Variants in UBAP2 observed in about 807,000 individuals in gnomAD.
UBAP2 encodes ubiquitin associated protein 2, also known as ubiquitin-associated protein 2.
In UBAP2, 75 loss-of-function variants were observed where a neutral mutation model predicts 139.6. The observed-to-expected ratio is 0.54, with a 90% CI of 0.45 to 0.65. The LOEUF (loss-of-function observed/expected upper bound fraction) is 0.65, where lower values mean the gene tolerates loss of function less well. Ranked by LOEUF, UBAP2 falls within the 30% of genes least tolerant of loss-of-function variation. UBAP2 has a pLI of 0.00. For synonymous variants in UBAP2, 526 were observed against 526.2 expected, an observed-to-expected ratio of 1.00 and a Z score of 0.01; for missense variants, 1,368 against 1,369.6, an observed-to-expected ratio of 1.00 and a Z score of 0.02.
intron 6 of UBAP2, among the ~76,000 whole-genome samples, chr9:33,980,431 CAG>C (rs995205976): frequency 6.0e-5 from 9 of 149,412 alleles, no homozygotes; most frequent in Admixed American, 5.3e-4. Flanking sequence ...TTAGTAGAGA[CAG>C]GGTTTCACCG....
At chr9:34,041,024 G>A (rs1254808685) in intron 1 of UBAP2, among the ~76,000 whole-genome samples, 1 of 152,054 alleles carries the variant, frequency 6.6e-6, no homozygotes, top group Non-Finnish European at 1.5e-5. Flanking sequence ...TGTTTGTTGT[G>A]GGCAGGGTGG....
intron 4 of UBAP2, chr9:33,994,697 T>C (rs1445457415): frequency 1.3e-5 from 2 of 152,192 alleles, no homozygotes; most frequent in Non-Finnish European, 2.9e-5. Flanking sequence ...ATTTGATGGT[T>C]TGTCTTGTGT....
intron 8 of UBAP2, among the ~76,000 whole-genome samples, chr9:33,966,624 T>C (rs1273905388): frequency 1.3e-5 from 2 of 152,208 alleles, no homozygotes; most frequent in Non-Finnish European, 2.9e-5. Context: ...GGGTCTTCTT[T>C]GATCTTTCCC....
At chr9:34,023,635 A>G (rs1464479361) in intron 1 of UBAP2, among the ~76,000 whole-genome samples, 1 of 152,228 alleles carries the variant, frequency 6.6e-6, no homozygotes, top group Non-Finnish European at 1.5e-5. Context: ...TGCTTTGTGA[A>G]ACATAAAAAC....
intron 1 of UBAP2, among the ~76,000 whole-genome samples, chr9:34,043,611 A>T (rs573610022): frequency 6.6e-6 from 1 of 152,330 alleles, no homozygotes; most frequent in African/African-American, 2.4e-5. Flanking sequence ...CTCCCACCTC[A>T]GCCTCACAAG....
At chr9:34,046,823 C>T (rs181514440) in intron 1 of UBAP2, among the ~76,000 whole-genome samples, 32 of 152,262 alleles carry the variant, frequency 2.1e-4, no homozygotes, top group African/African-American at 7.7e-4. Flanking sequence ...TGTTCTCACA[C>T]CATCACACCA....
At chr9:33,932,677 A>G (rs777851724) in intron 18 of UBAP2, 49 bp from the exon 19 acceptor site, 9 of 1,605,130 alleles carry the variant, frequency 5.6e-6, no homozygotes, top group Non-Finnish European at 7.7e-6. Context: ...AAGTGACTCC[A>G]GATGAACAAG....
intron 1 of UBAP2, among the ~76,000 whole-genome samples, chr9:34,030,862 G>A (rs1351875292): frequency 3.3e-5 from 5 of 151,558 alleles, no homozygotes; most frequent in Admixed American, 6.6e-5. Context: ...CCCAGGAGGC[G>A]GAGCTTGCAG....
Position 33,980,220 on chromosome 9 carries a change from C to CTTTTTTTTTTTTTTTTT in UBAP2, c.520+6523_520+6539dup, listed in dbSNP as rs1173781682. Among the ~76,000 whole-genome samples, 73 of 49,136 alleles carry CTTTTTTTTTTTTTTTTT rather than the reference C, an allele frequency of 1.5e-3. 25 individuals are homozygous for CTTTTTTTTTTTTTTTTT. The highest frequency in any genetic ancestry group is 1.9e-3 in the Non-Finnish European group (52 of 27,466). The allele number at this position is 49,136 out of a possible 152,430, so 32.2% of individuals were successfully genotyped here. Reference sequence around the variant, plus strand: ...TTAATCCAAATCCTGAGTGTCATTTCTTTTTTTTTTTTTTTTTTTTTTTTT... The same window carrying CTTTTTTTTTTTTTTTTT: ...TTAATCCAAATCCTGAGTGTCATTTCTTTTTTTTTTTTTTTTTTTTTTTTTTTTTTTTTTTTTTTTTT... On this transcript the variant is annotated intron_variant, in intron 6 of 28. Transcript: ENST00000379238.
At position 33,924,231 on chromosome 9, in the gene UBAP2, C is replaced by T. The variant is rs775101887; in HGVS notation, c.2565G>A (p.Gly855=). The T allele has an allele frequency of 1.9e-6, 3 of 1,614,052 alleles. No individual in the cohort carries two copies. The highest frequency in any genetic ancestry group is 1.3e-5 in the African/African-American group (1 of 74,922). ...CTGGATATGGATTATTAGCTAGGCT[C>T]CCATCTCGGCTGGCAAGCGCTGTGG... The part of the protein sequence containing the change: ...AAPTALASRD[G]SLANNPYPGD... Residue 855 remains glycine, a synonymous_variant, in exon 23 of 29, where the codon GGG becomes GGA. Transcript: ENST00000379238.
At chr9:33,958,336 AAG>A (rs1427328571) in intron 10 of UBAP2, among the ~76,000 whole-genome samples, 2 of 152,126 alleles carry the variant, frequency 1.3e-5, no homozygotes, top group Non-Finnish European at 2.9e-5. Flanking sequence ...ATTTACGAAA[AAG>A]AGAAAAAATA....
intron 7 of UBAP2, 96 bp from the exon 8 acceptor site, chr9:33,971,850 G>T: frequency 1.4e-6 from 1 of 716,616 alleles, no homozygotes; most frequent in Non-Finnish European, 2.5e-6. Context: ...CAAGCCCAGT[G>T]CCTTCTCACA....
chr9:34,025,036 G>T (rs1370605287), intron 1 of UBAP2, among the ~76,000 whole-genome samples: 3 of 151,360 alleles, frequency 2.0e-5, no homozygotes, highest in Non-Finnish European at 4.4e-5. Flanking sequence ...CAAGGTAAAA[G>T]CGTAAGTTAC....
Position 33,976,906 on chromosome 9 carries a change from G to T in UBAP2, c.521-3669C>A, listed in dbSNP as rs199992495. 2.3e-4 allele frequency among the ~76,000 whole-genome samples: 35 copies of T among 151,906 alleles called. No homozygotes were observed. The East Asian group carries it at 6.8e-3, about 30-fold the overall frequency. On this transcript the variant is annotated intron_variant, in intron 6 of 28. Coordinates refer to ENST00000379238, the MANE Select transcript of UBAP2 (RefSeq NM_001370062.2). ...GCATGCCTGTAATGCCAGCTATTAG[G>T]GAGGCTGAGGCAGGAGAATTGCTTG...
At chr9:33,983,976 A>G (rs1820986535) in intron 6 of UBAP2, among the ~76,000 whole-genome samples, 1 of 151,738 alleles carries the variant, frequency 6.6e-6, no homozygotes. Context: ...CAATGGTACA[A>G]TCTCGGCTCA....
At chr9:34,011,229 G>C (rs1823728331) in intron 2 of UBAP2, among the ~76,000 whole-genome samples, 1 of 152,066 alleles carries the variant, frequency 6.6e-6, no homozygotes, top group East Asian at 1.9e-4. Flanking sequence ...TTCTGATACT[G>C]TTTCACCCAT....
chr9:34,017,590 A>G (rs1343146633), intron 1 of UBAP2, among the ~76,000 whole-genome samples: 1 of 152,204 alleles, frequency 6.6e-6, no homozygotes, highest in East Asian at 1.9e-4. Context: ...GAAACAGGCT[A>G]TGCCTAAAAG....
rs993427252 is a variant in UBAP2, at chr9:34,004,409, G to A, written c.100-5545C>T. ...TAAGGTGGGAGGATCACCTTAGCCC[G>A]AGGAGGTCAAGGTTGCAGTGAGCCA... On this transcript the variant is annotated intron_variant, in intron 2 of 28. Transcript: ENST00000379238. 2.6e-5 allele frequency among the ~76,000 whole-genome samples: 4 copies of A among 151,946 alleles called. No homozygotes were observed. The East Asian group carries it at 5.8e-4, about 22-fold the overall frequency.
intron 1 of UBAP2, among the ~76,000 whole-genome samples, chr9:34,039,869 A>AAG (rs1826895085): frequency 6.9e-6 from 1 of 144,016 alleles, no homozygotes; most frequent in African/African-American, 2.7e-5. Context: ...AAAAAAAAAA[A>AAG]AAATACAAGC....
Sources: allele counts gnomAD v4.1 joint callset (sites outside exome capture counted in the v4.1 genomes callset), GRCh38; gene constraint gnomAD v4.1.1; transcripts MANE v1.5; gene names NCBI Gene and HGNC (gene_info 2026-07-23, HGNC 2026-07-21).